Variants in TENM3 observed in about 807,000 individuals in gnomAD.
TENM3 encodes teneurin-3.
Under a neutral mutation model 255.1 loss-of-function variants are expected in TENM3, and 63 were observed. The observed-to-expected ratio is 0.25, with a 90% CI of 0.20 to 0.30. The LOEUF is 0.30. TENM3 is among the 10% of genes least tolerant of loss of function. The pLI, the probability that TENM3 is intolerant of heterozygous loss-of-function variation, is 1.00. For synonymous variants in TENM3, 1,306 were observed against 1,322.3 expected (o/e 0.99, Z 0.27); for missense variants, 2,929 against 3,461.1 (o/e 0.85, Z 3.86).
chr4:182,709,959 G>A (rs905442125), intron 12 of TENM3, among the ~76,000 whole-genome samples: 2 of 152,098 alleles, frequency 1.3e-5, no homozygotes, highest in Admixed American at 6.5e-5. Context: ...CTGATGTTCT[G>A]GTGACCCAAA....
At chr4:182,234,523 A>C (rs1019754909) in intron 1 of TENM3, among the ~76,000 whole-genome samples, 6 of 152,200 alleles carry the variant, frequency 3.9e-5, no homozygotes, top group Admixed American at 3.3e-4. Flanking sequence ...ATTTGAGGTC[A>C]GGAGTTCAAG....
intron 11 of TENM3, among the ~76,000 whole-genome samples, chr4:182,683,591 G>A (rs1756337623): frequency 6.6e-6 from 1 of 152,190 alleles, no homozygotes; most frequent in South Asian, 2.1e-4. Context: ...AAGGGACAGT[G>A]AAAAGAAAAG....
chr4:181,834,865 A>G, the TENM3 span: 7 of 152,182 alleles, frequency 4.6e-5, no homozygotes, highest in African/African-American at 1.7e-4. Context: ...TTCAAGTGCC[A>G]TTTTTTTCCA....
chr4:181,824,268 A>AT, the TENM3 span, among the ~76,000 whole-genome samples: 18,296 of 144,924 alleles, frequency 0.13, 1,690 homozygotes, highest in East Asian at 0.52. Context: ...CACCTGGCTA[A>AT]TTTTTTTTTT....
At chr4:181,667,511 C>T in the TENM3 span, among the ~76,000 whole-genome samples, 29 of 152,216 alleles carry the variant, frequency 1.9e-4, no homozygotes, top group African/African-American at 4.6e-4. Context: ...GGCCACAAAG[C>T]CTCTGCCCTC....
At chr4:181,505,013 G>T in the TENM3 span, among the ~76,000 whole-genome samples, 1 of 152,148 alleles carries the variant, frequency 6.6e-6, no homozygotes, top group African/African-American at 2.4e-5. Context: ...AAGCATTTGG[G>T]GTTAAATGTG....
the TENM3 span, among the ~76,000 whole-genome samples, chr4:181,549,133 C>G: frequency 6.6e-6 from 1 of 152,100 alleles, no homozygotes; most frequent in African/African-American, 2.4e-5. Flanking sequence ...CCTTCATCTC[C>G]GCCCTCACCC....
At chr4:182,385,774 G>A (rs1767879400) in intron 3 of TENM3, among the ~76,000 whole-genome samples, 1 of 152,092 alleles carries the variant, frequency 6.6e-6, no homozygotes, top group African/African-American at 2.4e-5. Context: ...GATATAAATT[G>A]AGAATTTCTT....
chr4:182,436,414 G>A (rs565789348), intron 3 of TENM3, among the ~76,000 whole-genome samples: 1 of 152,138 alleles, frequency 6.6e-6, no homozygotes, highest in Non-Finnish European at 1.5e-5. Flanking sequence ...AGTAAGCTTC[G>A]AGTTCCTTTT....
chr4:182,255,175 C>G (rs1354919786), intron 1 of TENM3, among the ~76,000 whole-genome samples: 1 of 152,132 alleles, frequency 6.6e-6, no homozygotes, highest in African/African-American at 2.4e-5. Flanking sequence ...CTGTGGGACC[C>G]TGTTGCCTTT....
At chr4:182,372,506 C>T (rs1024752507) in intron 3 of TENM3, among the ~76,000 whole-genome samples, 6 of 152,146 alleles carry the variant, frequency 3.9e-5, no homozygotes, top group Admixed American at 3.3e-4. Flanking sequence ...AAAATATATT[C>T]TTCCAAGATT....
At chr4:182,582,698 A>G (rs1055491497) in intron 3 of TENM3, among the ~76,000 whole-genome samples, 1 of 152,234 alleles carries the variant, frequency 6.6e-6, no homozygotes, top group African/African-American at 2.4e-5. Context: ...TCAGGGATTA[A>G]AGGAATTGTT....
the TENM3 span, among the ~76,000 whole-genome samples, chr4:181,600,032 C>G: frequency 1.3e-5 from 2 of 152,190 alleles, no homozygotes; most frequent in Non-Finnish European, 2.9e-5. Flanking sequence ...GTATGATTAA[C>G]AATCAGATAT....
the TENM3 span, among the ~76,000 whole-genome samples, chr4:181,906,793 C>A: frequency 6.6e-6 from 1 of 152,162 alleles, no homozygotes; most frequent in Non-Finnish European, 1.5e-5. Flanking sequence ...GCGATCCTCT[C>A]GCTTCTGCCT....
the TENM3 span, among the ~76,000 whole-genome samples, chr4:182,113,044 C>A: frequency 6.6e-6 from 1 of 152,152 alleles, no homozygotes; most frequent in South Asian, 2.1e-4. Flanking sequence ...GACATTCACA[C>A]TGAAAATCTA....
the TENM3 span, among the ~76,000 whole-genome samples, chr4:181,520,439 G>C: frequency 2.6e-5 from 4 of 152,252 alleles, no homozygotes; most frequent in East Asian, 7.7e-4. Flanking sequence ...GTGTGTGCGT[G>C]CATGTGTACA....
the TENM3 span, among the ~76,000 whole-genome samples, chr4:181,892,448 A>G: frequency 6.6e-6 from 1 of 152,182 alleles, no homozygotes; most frequent in Admixed American, 6.5e-5. Flanking sequence ...AATTTTCACC[A>G]TGTATTCCAT....
the TENM3 span, among the ~76,000 whole-genome samples, chr4:181,920,420 G>A: frequency 0.14 from 21,625 of 151,918 alleles, 1,600 homozygotes; most frequent in East Asian, 0.2. Flanking sequence ...TTTAATGATT[G>A]CCATTCTAAC....
the TENM3 span, among the ~76,000 whole-genome samples, chr4:181,606,897 C>T: frequency 1.3e-5 from 2 of 152,164 alleles, no homozygotes; most frequent in African/African-American, 2.4e-5. Context: ...GGGCCATTTG[C>T]GGGAGCCATG....
Sources: allele counts gnomAD v4.1 joint callset (sites outside exome capture counted in the v4.1 genomes callset), GRCh38; gene constraint gnomAD v4.1.1; transcripts MANE v1.5; gene names NCBI Gene and HGNC (gene_info 2026-07-23, HGNC 2026-07-21).